RFC3: variants seen among roughly 807,000 people sequenced by gnomAD.
RFC3 encodes the protein replication factor C subunit 3.
A neutral mutation model predicts 45.1 loss-of-function variants in RFC3; 41 were observed. The observed-to-expected ratio is 0.91, with a 90% CI of 0.71 to 1.18. RFC3 has a LOEUF of 1.18. RFC3 is among the 50% of genes most tolerant of loss of function. RFC3 has a pLI of 0.00. For synonymous variants in RFC3, 149 were observed against 144.0 expected (o/e 1.03, Z -0.25); for missense variants, 423 against 428.1 (o/e 0.99, Z 0.10).
At chr13:33,966,765 G>C (rs560261421), downstream of RFC3, among the ~76,000 whole-genome samples, 4 of 152,270 alleles carry the variant, frequency 2.6e-5, no homozygotes, top group South Asian at 2.1e-4. Context: ...CTACAGAGTG[G>C]CATGAATTTC....
chr13:33,959,679 T>C lies in RFC3; in HGVS notation c.880-6408T>C, dbSNP rs1423850019. On this transcript the variant is annotated intron_variant, in intron 8 of 8. Coordinates refer to the RFC3 transcript ENST00000434425. ...CCAGACAGTGATCTCTGGCACTACA[T>C]GGTCTTCATCTCCTAATGACCCACC... Among the ~76,000 whole-genome samples the C allele has an allele frequency of 2.0e-5, 3 of 152,130 alleles. No individual in the cohort carries two copies. In the East Asian group the frequency reaches 5.8e-4, roughly 29 times the overall value.
chr13:33,964,141 A>G (rs541138457), intron 8 of RFC3, among the ~76,000 whole-genome samples: 2 of 152,288 alleles, frequency 1.3e-5, no homozygotes, highest in South Asian at 4.1e-4. Flanking sequence ...ACTGCTCACA[A>G]TCTACATAAT....
intron 8 of RFC3, among the ~76,000 whole-genome samples, chr13:33,872,389 T>C (rs1341616787): frequency 3.9e-5 from 6 of 152,252 alleles, no homozygotes; most frequent in Admixed American, 2.0e-4. Context: ...TTACAACTTA[T>C]ATGAACTTTA....
chr13:33,874,849 A>G (rs1483034481), intron 8 of RFC3, among the ~76,000 whole-genome samples: 1 of 152,210 alleles, frequency 6.6e-6, no homozygotes, highest in East Asian at 1.9e-4. Context: ...TTAGAGCCAT[A>G]TATTCAGGTT....
At chr13:33,930,833 C>T (rs1341595658) in intron 8 of RFC3, among the ~76,000 whole-genome samples, 1 of 152,064 alleles carries the variant, frequency 6.6e-6, no homozygotes, top group Non-Finnish European at 1.5e-5. Context: ...ATAGATAAAC[C>T]TCAAGCTTGT....
downstream of RFC3, among the ~76,000 whole-genome samples, chr13:33,971,351 T>C (rs78319198): frequency 9.0e-3 from 1,370 of 152,338 alleles, 17 homozygotes; most frequent in African/African-American, 0.031. Context: ...TACAAATTAA[T>C]AGGAATAAAA....
At chr13:33,935,111 T>C (rs528241528) in intron 8 of RFC3, among the ~76,000 whole-genome samples, 1 of 152,258 alleles carries the variant, frequency 6.6e-6, no homozygotes, top group South Asian at 2.1e-4. Flanking sequence ...TGAAATGTTA[T>C]AATATATTAT....
intron 8 of RFC3, among the ~76,000 whole-genome samples, chr13:33,936,947 A>T (rs1358974889): frequency 1.3e-5 from 2 of 152,160 alleles, no homozygotes; most frequent in African/African-American, 4.8e-5. Context: ...AAAATTTCCT[A>T]AGAGATAGAT....
chr13:33,963,104 A>G (rs933666889), intron 8 of RFC3, among the ~76,000 whole-genome samples: 5 of 152,030 alleles, frequency 3.3e-5, no homozygotes, highest in African/African-American at 1.2e-4. Context: ...AGGTTTTTCA[A>G]TTTATTCTCC....
At chr13:33,885,730 A>G (rs2082516962) in intron 8 of RFC3, among the ~76,000 whole-genome samples, 1 of 152,212 alleles carries the variant, frequency 6.6e-6, no homozygotes, top group Non-Finnish European at 1.5e-5. Context: ...GAAGAAACAG[A>G]CAAAATAACC....
intron 8 of RFC3, among the ~76,000 whole-genome samples, chr13:33,897,279 A>T (rs1388607673): frequency 6.8e-6 from 1 of 146,800 alleles, no homozygotes; most frequent in African/African-American, 2.7e-5. Context: ...GTTACATTGT[A>T]GATTTTTTTT....
chr13:33,861,021 C>T (rs2082337742), intron 8 of RFC3, among the ~76,000 whole-genome samples: 3 of 152,112 alleles, frequency 2.0e-5, no homozygotes, highest in East Asian at 1.9e-4. Flanking sequence ...GCCTCAGCCT[C>T]CTGAGTAGCT....
intron 8 of RFC3, among the ~76,000 whole-genome samples, chr13:33,950,072 TACACACACACACACAC>T (rs71196530): frequency 7.6e-5 from 11 of 144,840 alleles, no homozygotes; most frequent in Admixed American, 4.8e-4. Flanking sequence ...TCTCTCGCTC[TACACACACACACACAC>T]ACACACACAC....
intron 8 of RFC3, among the ~76,000 whole-genome samples, chr13:33,939,385 A>G (rs1490084422): frequency 1.3e-5 from 2 of 152,028 alleles, no homozygotes; most frequent in Non-Finnish European, 2.9e-5. Context: ...AAAACTCTTG[A>G]CAGTGAGGCT....
At chr13:33,925,237 GTGT>G (rs1366637016) in intron 8 of RFC3, among the ~76,000 whole-genome samples, 5 of 71,572 alleles carry the variant, frequency 7.0e-5, no homozygotes, top group Admixed American at 3.6e-4. Context: ...TACACATATA[GTGT>G]ACTATATACA....
At chr13:33,854,825 C>G (rs753846820) in intron 8 of RFC3, among the ~76,000 whole-genome samples, 9 of 152,042 alleles carry the variant, frequency 5.9e-5, no homozygotes, top group Non-Finnish European at 8.8e-5. Flanking sequence ...GTGTCTATTT[C>G]AAGTTTGCAA....
At chr13:33,945,508 A>G (rs1215149850) in intron 8 of RFC3, among the ~76,000 whole-genome samples, 7 of 152,228 alleles carry the variant, frequency 4.6e-5, no homozygotes, top group Middle Eastern at 6.3e-3. Flanking sequence ...GGAAACTTCA[A>G]TGAACTGAAA....
chr13:33,945,270 G>A (rs926855595), intron 8 of RFC3, among the ~76,000 whole-genome samples: 1 of 152,164 alleles, frequency 6.6e-6, no homozygotes, highest in Non-Finnish European at 1.5e-5. Context: ...CTAGGGTTAA[G>A]GTTATGTCCT....
At chr13:33,958,856 G>T (rs893704362) in intron 8 of RFC3, among the ~76,000 whole-genome samples, 1 of 152,192 alleles carries the variant, frequency 6.6e-6, no homozygotes, top group South Asian at 2.1e-4. Flanking sequence ...TTGCCTCCAT[G>T]ATCTAGGACA....
Sources: allele counts gnomAD v4.1 joint callset (sites outside exome capture counted in the v4.1 genomes callset), GRCh38; gene constraint gnomAD v4.1.1; transcripts MANE v1.5; gene names NCBI Gene and HGNC (gene_info 2026-07-23, HGNC 2026-07-21).